PRKAR1B: variants seen among roughly 807,000 people sequenced by gnomAD.
PRKAR1B encodes the protein protein kinase cAMP-dependent type I regulatory subunit beta.
In PRKAR1B, 22 loss-of-function variants were observed where a neutral mutation model predicts 46.5. The observed-to-expected ratio is 0.47, with a 90% confidence interval of 0.34 to 0.68. The LOEUF (loss-of-function observed/expected upper bound fraction) is 0.68, where lower values mean the gene tolerates loss of function less well. PRKAR1B is among the 30% of genes least tolerant of loss of function. PRKAR1B has a pLI of 0.01. For synonymous variants in PRKAR1B, 259 were observed against 217.7 expected, an observed-to-expected ratio of 1.19 and a Z score of -1.67; for missense variants, 445 against 535.6, an observed-to-expected ratio of 0.83 and a Z score of 1.67.
chr7:585,608 G>A (rs1780552645), intron 7 of PRKAR1B, among the ~76,000 whole-genome samples: 1 of 152,084 alleles, frequency 6.6e-6, no homozygotes, highest in East Asian at 1.9e-4. Flanking sequence ...GAGAAAGGAG[G>A]GAGGAGGGAA....
At chr7:620,869 G>A (rs1783075129) in intron 4 of PRKAR1B, among the ~76,000 whole-genome samples, 1 of 152,224 alleles carries the variant, frequency 6.6e-6, no homozygotes, top group African/African-American at 2.4e-5. Flanking sequence ...CTCCCTTAAA[G>A]AGCATGTAGC....
chr7:565,792 G>A (rs573276473), intron 9 of PRKAR1B, among the ~76,000 whole-genome samples: 1 of 152,264 alleles, frequency 6.6e-6, no homozygotes, highest in South Asian at 2.1e-4. Flanking sequence ...CTTCAGACTT[G>A]GCCCAGCTGG....
intron 4 of PRKAR1B, among the ~76,000 whole-genome samples, chr7:626,120 G>C (rs1262334791): frequency 6.6e-6 from 1 of 151,820 alleles, no homozygotes; most frequent in African/African-American, 2.4e-5. Context: ...ATTCACACAA[G>C]AAGCAACAGA....
intron 4 of PRKAR1B, among the ~76,000 whole-genome samples, chr7:639,366 A>G (rs937008646): frequency 2.0e-5 from 3 of 152,224 alleles, no homozygotes; most frequent in Non-Finnish European, 4.4e-5. Context: ...TCGTGCTGGG[A>G]CAACTGGATA....
At position 612,883 on chromosome 7, in the gene PRKAR1B, G is replaced by A. The variant is rs557187796; in HGVS notation, c.441-5431C>T. On this transcript the variant is annotated intron_variant, in intron 4 of 10. Transcript: ENST00000537384. ...ATGTGTGTGTGTAATAATATTCACC[G>A]AAGCACTGTCAGCAACAGAGGCTTT... Among the ~76,000 whole-genome samples, 6 of 152,264 alleles carry A rather than the reference G, an allele frequency of 3.9e-5. 1 individual carries two copies. The highest frequency in any genetic ancestry group is 7.2e-5 in the African/African-American group (3 of 41,542).
At chr7:647,244 C>T (rs1385478423) in intron 4 of PRKAR1B, among the ~76,000 whole-genome samples, 1 of 152,146 alleles carries the variant, frequency 6.6e-6, no homozygotes, top group Non-Finnish European at 1.5e-5. Context: ...CTCACCCTCC[C>T]ATGTCAGGTC....
At chr7:712,416 G>C (rs1325233041) in intron 1 of PRKAR1B, 2 of 148,584 alleles carry the variant, frequency 1.3e-5, no homozygotes, top group East Asian at 4.0e-4. Context: ...CCGCGTACCT[G>C]GATGCGCGGC....
intron 7 of PRKAR1B, among the ~76,000 whole-genome samples, chr7:586,742 G>A (rs1001702534): frequency 8.5e-5 from 13 of 152,200 alleles, no homozygotes; most frequent in African/African-American, 2.7e-4. Flanking sequence ...GGTAAGGATA[G>A]GCTAGGAAAC....
chr7:579,277 G>C lies in PRKAR1B; in HGVS notation c.870C>G (p.Asp290Glu). The change falls in exon 9 of 11, where the codon GAC becomes GAG. Residue 290 changes from aspartate to glutamate, a missense_variant. By Grantham distance (45) the Asp-to-Glu change is conservative. Transcript: ENST00000537384. ...TCACCTCCGTGATGATGTAAAAGTCGTCCCCAGGCTCTCCCTGGACCACAA... is the reference window on the plus strand; with the variant it reads ...TCACCTCCGTGATGATGTAAAAGTCCTCCCCAGGCTCTCCCTGGACCACAA... Reference protein sequence around the residue: ...EKIVVQGEPGDDFYIITEGTA... With the variant: ...EKIVVQGEPGEDFYIITEGTA... The C allele has an allele frequency of 6.2e-7, 1 of 1,614,132 alleles. No homozygotes were observed. Among genetic ancestry groups the C allele is most frequent in the Non-Finnish European group, 8.5e-7 (1 of 1,180,046 alleles).
intron 9 of PRKAR1B, among the ~76,000 whole-genome samples, chr7:556,566 G>A (rs910254775): frequency 2.0e-5 from 3 of 152,282 alleles, no homozygotes; most frequent in Admixed American, 6.5e-5. Context: ...CTGCCAAGAC[G>A]GCCGGCAGGG....
At chr7:659,138 T>C (rs922612933) in intron 4 of PRKAR1B, among the ~76,000 whole-genome samples, 2 of 152,160 alleles carry the variant, frequency 1.3e-5, no homozygotes, top group Non-Finnish European at 1.5e-5. Context: ...CTACCAAAAC[T>C]GCATCCCCAC....
intron 9 of PRKAR1B, among the ~76,000 whole-genome samples, chr7:554,817 C>G (rs900425060): frequency 4.6e-5 from 7 of 151,086 alleles, no homozygotes; most frequent in African/African-American, 1.5e-4. Flanking sequence ...GACCACGGAT[C>G]CTGCAGAGCC....
At chr7:688,257 T>A (rs1049214276) in intron 2 of PRKAR1B, among the ~76,000 whole-genome samples, 9 of 151,570 alleles carry the variant, frequency 5.9e-5, no homozygotes, top group Non-Finnish European at 1.0e-4. Flanking sequence ...ACAAAAAAAG[T>A]AGCTGGGCGT....
At chr7:693,898 C>T (rs1426394634) in intron 2 of PRKAR1B, among the ~76,000 whole-genome samples, 1 of 152,332 alleles carries the variant, frequency 6.6e-6, no homozygotes, top group Admixed American at 6.5e-5. Context: ...CCCACACCCC[C>T]ACAACATCCA....
At chr7:601,222 G>A (rs1172071881) in intron 6 of PRKAR1B, among the ~76,000 whole-genome samples, 1 of 152,174 alleles carries the variant, frequency 6.6e-6, no homozygotes, top group Non-Finnish European at 1.5e-5. Flanking sequence ...AGGGAAAACC[G>A]CTAGCCTCAG....
intron 4 of PRKAR1B, among the ~76,000 whole-genome samples, chr7:671,099 T>A (rs1290735151): frequency 6.6e-6 from 1 of 152,204 alleles, no homozygotes; most frequent in East Asian, 1.9e-4. Context: ...GTCCACCTCC[T>A]TCTTCCTCAG....
At chr7:684,431 T>C (rs373519819) in intron 2 of PRKAR1B, among the ~76,000 whole-genome samples, 5 of 152,212 alleles carry the variant, frequency 3.3e-5, no homozygotes, top group African/African-American at 1.2e-4. Context: ...AATATATGCA[T>C]ATATACATCT....
At chr7:649,560 CTTAT>C (rs571392594) in intron 4 of PRKAR1B, among the ~76,000 whole-genome samples, 26 of 151,800 alleles carry the variant, frequency 1.7e-4, no homozygotes, top group Admixed American at 8.5e-4. Context: ...TATGTAGCGC[CTTAT>C]TTATTTATTT....
At chr7:710,773 T>A (rs1465836041) in intron 2 of PRKAR1B, among the ~76,000 whole-genome samples, 4 of 151,598 alleles carry the variant, frequency 2.6e-5, no homozygotes, top group African/African-American at 9.7e-5. Flanking sequence ...ACCACCCCAG[T>A]AGCTGGGATT....
Sources: allele counts gnomAD v4.1 joint callset (sites outside exome capture counted in the v4.1 genomes callset), GRCh38; gene constraint gnomAD v4.1.1; transcripts MANE v1.5; gene names NCBI Gene and HGNC (gene_info 2026-07-23, HGNC 2026-07-21).